Variants in OR2F1 observed in about 807,000 individuals in gnomAD.
The protein encoded by OR2F1 is olfactory receptor 2F1.
For synonymous variants in OR2F1, 146 were observed against 155.3 expected (o/e 0.94, Z 0.44); for missense variants, 389 against 378.2 (o/e 1.03, Z -0.24).
intron 1 of OR2F1, among the ~76,000 whole-genome samples, chr7:143,957,690 G>A (rs921395733): frequency 2.0e-5 from 3 of 152,192 alleles, no homozygotes; most frequent in African/African-American, 7.2e-5. Context: ...TTCTGAAAGA[G>A]AGCATGAAGT....
Position 143,960,822 on chromosome 7 carries a change from G to A in OR2F1, c.852G>A (p.Met284Ile). 6.2e-7 allele frequency: 1 copy of A among 1,614,112 alleles called. No homozygotes were observed. Among genetic ancestry groups the A allele is most frequent in the South Asian group, 1.1e-5 (1 of 91,074 alleles). The change falls in exon 3 of 3, where the codon ATG becomes ATA. Residue 284 changes from methionine (M) to isoleucine (I), a missense_variant. Transcript: ENST00000641412. ...FSVFYAILTP[M>I]LNPMIYSLRN... ...TCTTTTATGCCATTTTAACACCAATGCTGAACCCCATGATTTACAGCCTAA... is the reference window on the plus strand; with the variant it reads ...TCTTTTATGCCATTTTAACACCAATACTGAACCCCATGATTTACAGCCTAA...
intron 1 of OR2F1, among the ~76,000 whole-genome samples, 193 bp downstream of exon 1, chr7:143,955,296 G>A (rs893394443): frequency 6.6e-6 from 1 of 151,902 alleles, no homozygotes; most frequent in Non-Finnish European, 1.5e-5. Flanking sequence ...CCTCTTCTCT[G>A]ATTTTTTTCC....
chr7:143,959,803 T>A (rs1219672079), intron 2 of OR2F1, 145 bp from the exon 3 acceptor site: 6 of 566,498 alleles, frequency 1.1e-5, no homozygotes, highest in Non-Finnish European at 6.2e-6. Flanking sequence ...GTAAATATAA[T>A]GCATGTTGGG....
intron 1 of OR2F1, among the ~76,000 whole-genome samples, chr7:143,956,597 A>G (rs1273781255): frequency 2.0e-5 from 3 of 152,300 alleles, no homozygotes; most frequent in African/African-American, 4.8e-5. Flanking sequence ...TAGTCATAGA[A>G]GAAGAGCAGA....
At chr7:143,956,640 A>T (rs1470516668) in intron 1 of OR2F1, among the ~76,000 whole-genome samples, 1 of 152,170 alleles carries the variant, frequency 6.6e-6, no homozygotes, top group African/African-American at 2.4e-5. Flanking sequence ...TCTGCCCAGG[A>T]TAAACTTAAA....
rs1052283337 is a variant in OR2F1 at position 143,962,915 on chromosome 7, C to T, written c.*1991C>T. 6.6e-6 allele frequency: 1 copy of T among 152,172 alleles called. No individual in the cohort carries two copies. The highest frequency in any genetic ancestry group is 2.4e-5 in the African/African-American group (1 of 41,452). 9.4% of individuals were successfully genotyped at this position (152,172 alleles called of 1,614,324 possible). A position where few individuals can be genotyped will look rare whatever the true frequency, so the allele number is the denominator to read the frequency against. ...ATTAGAGGCAAGATGACCAGCCTGTCTGCTGGGTCTGCTTCAGTAATACTC... is the reference window on the plus strand; with the variant it reads ...ATTAGAGGCAAGATGACCAGCCTGTTTGCTGGGTCTGCTTCAGTAATACTC... On this transcript the variant is annotated 3_prime_UTR_variant, in exon 3 of 3. Transcript: ENST00000641412.
chr7:143,955,884 G>T (rs78317067), intron 1 of OR2F1, among the ~76,000 whole-genome samples: 2,104 of 152,184 alleles, frequency 0.014, 54 homozygotes, highest in African/African-American at 0.048. Flanking sequence ...TGGCAAAAAG[G>T]TAATGTTGTT....
rs2050331677 is a variant in OR2F1 at position 143,961,692 on chromosome 7, T to C, written c.*768T>C. On this transcript the variant is annotated 3_prime_UTR_variant, in exon 3 of 3. Coordinates refer to ENST00000641412, the MANE Select transcript of OR2F1 (RefSeq NM_012369.3). Reference sequence around the variant, plus strand: ...CGTTGAAAATATTAAAAATGATCAATCTCTGAAAAATCTGTAAGCTCTTTC... The same window carrying C: ...CGTTGAAAATATTAAAAATGATCAACCTCTGAAAAATCTGTAAGCTCTTTC... 6.6e-6 allele frequency: 1 copy of C among 152,092 alleles called. No individual in the cohort carries two copies. Among genetic ancestry groups the C allele is most frequent in the African/African-American group, 2.4e-5 (1 of 41,416 alleles). The allele number at this position is 152,092 out of a possible 1,614,324, so 9.4% of individuals were successfully genotyped here. A position where few individuals can be genotyped will look rare whatever the true frequency, so the allele number is the denominator to read the frequency against.
rs1193115705 is a variant in OR2F1 at position 143,960,872 on chromosome 7, G to T, written c.902G>T (p.Trp301Leu). 1 of 1,613,380 alleles carries T rather than the reference G, an allele frequency of 6.2e-7. No individual in the cohort carries two copies. Among genetic ancestry groups the T allele is most frequent in the Non-Finnish European group, 8.5e-7 (1 of 1,179,786 alleles). Residue 301 changes from tryptophan to leucine, a missense_variant, in exon 3 of 3, where the codon TGG becomes TTG. Transcript: ENST00000641412. ...SLRNKEVKGA[W>L]QKLLWKFSGL... ...AGGAATAAAGAGGTGAAGGGGGCCT[G>T]GCAGAAACTATTATGGAAATTCTCT...
At chr7:143,959,913 C>A (rs545917150) in intron 2 of OR2F1, 35 bp from the exon 3 acceptor site, 1 of 1,328,710 alleles carries the variant, frequency 7.5e-7, no homozygotes, top group African/African-American at 1.5e-5. Flanking sequence ...TATAGTTATT[C>A]AACAGCTTCT....
In OR2F1 at chr7:143,960,503, C is replaced by T. The variant is rs2050318841; in HGVS notation, c.533C>T (p.Ser178Phe). ...AGAAACAAGTTTATTGATCACATAT[C>T]CTGTGAACTCCTAGCTGTGGTCAGG... is the stretch of plus-strand genomic sequence containing the variant. ...MCRNKFIDHI[S>F]CELLAVVRLA... is the part of the protein sequence containing the mutation. The change falls in exon 3 of 3, where the codon TCC (serine) becomes TTC (phenylalanine). Residue 178 changes from serine (S) to phenylalanine (F), a missense_variant. By Grantham distance (155) the Ser-to-Phe change is radical. Coordinates refer to ENST00000641412, the MANE Select transcript of OR2F1 (RefSeq NM_012369.3). The T allele has an allele frequency of 2.5e-6, 4 of 1,614,208 alleles. No homozygotes were observed. The highest frequency in any genetic ancestry group is 3.4e-6 in the Non-Finnish European group (4 of 1,180,038).
At position 143,960,260 on chromosome 7, in the gene OR2F1, G is replaced by A. The variant is rs143509009; in HGVS notation, c.290G>A (p.Cys97Tyr). 1.3e-3 allele frequency: 2,133 copies of A among 1,614,178 alleles called. 14 individuals carry two copies. The East Asian group carries it at 0.016, about 12-fold the overall frequency. ...AEHKAIPFQS[C>Y]AAQLFFSLAL... ...CATAAAGCCATCCCATTCCAGAGCT[G>A]TGCAGCCCAGTTATTTTTCTCCCTG... The change falls in exon 3 of 3, where the codon TGT (cysteine) becomes TAT (tyrosine). Residue 97 changes from cysteine (C) to tyrosine (Y), a missense_variant. Cys to Tyr is a radical substitution (Grantham distance 194, BLOSUM62 -2). Coordinates refer to ENST00000641412, the MANE Select transcript of OR2F1 (RefSeq NM_012369.3).
chr7:143,955,091 G>C lies in OR2F1; in HGVS notation c.-192G>C, dbSNP rs1010363396. 6.6e-6 allele frequency: 1 copy of C among 152,020 alleles called. No individual in the cohort carries two copies. The highest frequency in any genetic ancestry group is 1.5e-5 in the Non-Finnish European group (1 of 67,982). 9.4% of individuals were successfully genotyped at this position (152,020 alleles called of 1,614,324 possible). On this transcript the variant is annotated 5_prime_UTR_variant, in exon 1 of 3. Transcript: ENST00000641412. ...AAGACACATGGAGGATATTTTACCT[G>C]GGTCCAACAAAAGTAATTTTGTTTT...
In OR2F1 at chr7:143,962,296, A is replaced by T. The variant is rs1013282914; in HGVS notation, c.*1372A>T. ...GTAATGCAATCTTAAATTTTGCAAGATAGGCAGGCATCCTAAAAGATGACA... is the reference window on the plus strand; with the variant it reads ...GTAATGCAATCTTAAATTTTGCAAGTTAGGCAGGCATCCTAAAAGATGACA... On this transcript the variant is annotated 3_prime_UTR_variant, in exon 3 of 3. Transcript: ENST00000641412. 2 of 152,218 alleles carry T rather than the reference A, an allele frequency of 1.3e-5. No individual in the cohort carries two copies. Among genetic ancestry groups the T allele is most frequent in the Non-Finnish European group, 2.9e-5 (2 of 68,032 alleles). 9.4% of individuals were successfully genotyped at this position (152,218 alleles called of 1,614,324 possible).
rs368547554 is a variant in OR2F1, at chr7:143,954,996, C to T, written c.-287C>T. Reference sequence around the variant, plus strand: ...CTAAACACTTATTTTTTTGTTCTTTCTTTGTCGTTGATAGAAGAATATTTC... The same window carrying T: ...CTAAACACTTATTTTTTTGTTCTTTTTTTGTCGTTGATAGAAGAATATTTC... On this transcript the variant is annotated 5_prime_UTR_variant, in exon 1 of 3. Coordinates refer to ENST00000641412, the MANE Select transcript of OR2F1 (RefSeq NM_012369.3). The T allele has an allele frequency of 1.3e-4, 20 of 151,978 alleles. No homozygotes were observed. Among genetic ancestry groups the T allele is most frequent in the African/African-American group, 4.3e-4 (18 of 41,496 alleles). 9.4% of individuals were successfully genotyped at this position (151,978 alleles called of 1,614,324 possible). A position where few individuals can be genotyped will look rare whatever the true frequency, so the allele number is the denominator to read the frequency against.
Position 143,962,123 on chromosome 7 carries a change from C to CAA in OR2F1, c.*1200_*1201insAA, listed in dbSNP as rs10689569. On this transcript the variant is annotated 3_prime_UTR_variant, in exon 3 of 3. Coordinates refer to ENST00000641412, the MANE Select transcript of OR2F1 (RefSeq NM_012369.3). The stretch of plus-strand genomic sequence containing the variant: ...GCTCTTCCTACTCCCTTGAAGGAGT[C>CAA]AGTCTTTTCTTCCTTTTGTGTCTTC... 31,892 of 152,040 alleles carry CAA rather than the reference C, an allele frequency of 0.21. 5,130 individuals carry two copies. The highest frequency in any genetic ancestry group is 0.44 in the African/African-American group (18,059 of 41,430). 9.4% of individuals were successfully genotyped at this position (152,040 alleles called of 1,614,324 possible). A position where few individuals can be genotyped will look rare whatever the true frequency, so the allele number is the denominator to read the frequency against.
chr7:143,957,502 A>T (rs1374812247), intron 1 of OR2F1, among the ~76,000 whole-genome samples: 1 of 152,202 alleles, frequency 6.6e-6, no homozygotes, highest in Non-Finnish European at 1.5e-5. Flanking sequence ...AAATCCAGAC[A>T]ATGGATTCCA....
Position 143,960,212 on chromosome 7 carries a change from T to A in OR2F1, c.242T>A (p.Leu81Gln). 6.2e-7 allele frequency: 1 copy of A among 1,614,204 alleles called. No individual in the cohort carries two copies. The highest frequency in any genetic ancestry group is 1.1e-5 in the South Asian group (1 of 91,084). Residue 81 changes from leucine (L) to glutamine (Q), a missense_variant, in exon 3 of 3, where the codon CTG becomes CAG. Transcript: ENST00000641412. ...TATGCCACAAGTGTAGTCCCTCAGC[T>A]GCTGGCACATTTTCTTGCAGAACAT... ...VSYATSVVPQ[L>Q]LAHFLAEHKA...
At chr7:143,957,654 G>T (rs979120846) in intron 1 of OR2F1, among the ~76,000 whole-genome samples, 2 of 152,190 alleles carry the variant, frequency 1.3e-5, no homozygotes, top group Admixed American at 6.5e-5. Flanking sequence ...GGATAGTAGA[G>T]AGGGAGAGTA....
Sources: gnomAD v4.1 joint callset for allele counts (sites outside exome capture counted in the v4.1 genomes callset) on GRCh38, gnomAD v4.1.1 for gene constraint, MANE v1.5 for transcripts, NCBI Gene and HGNC (gene_info 2026-07-23, HGNC 2026-07-21) for gene names.